The following TTLL11 variants were observed in gnomAD, a reference collection of about 807,000 sequenced individuals.
TTLL11 encodes the protein tubulin polyglutamylase TTLL11.
TTLL11 carries 42 observed loss-of-function variants against 51.7 expected under a neutral mutation model. That is an observed-to-expected ratio of 0.81 (90% CI 0.64 to 1.05). The LOEUF is 1.05. TTLL11 is among the 50% of genes least tolerant of loss of function. The probability of loss-of-function intolerance (pLI) is 0.00; values close to 1 mark genes in which losing one functional copy is unlikely to be tolerated. For missense variants in TTLL11, 799 were observed against 940.4 expected, an observed-to-expected ratio of 0.85 and a Z score of 1.97; for synonymous variants, 381 against 383.5, an observed-to-expected ratio of 0.99 and a Z score of 0.08.
At chr9:121,972,576 C>G (rs1392189927) in intron 6 of TTLL11, among the ~76,000 whole-genome samples, 1 of 152,258 alleles carries the variant, frequency 6.6e-6, no homozygotes, top group Non-Finnish European at 1.5e-5. Context: ...GTCAAGAACA[C>G]TCTTGACAAG....
chr9:121,864,855 A>G (rs376583240), intron 7 of TTLL11, among the ~76,000 whole-genome samples: 148 of 152,358 alleles, frequency 9.7e-4, no homozygotes, highest in African/African-American at 3.4e-3. Context: ...AACTACTGAC[A>G]TCTCATGGGA....
chr9:121,879,767 A>AGCTGTGAGCTGTGCCACTGCACT (rs1564285600), intron 6 of TTLL11, among the ~76,000 whole-genome samples: 1 of 19,140 alleles, frequency 5.2e-5, no homozygotes, highest in African/African-American at 3.1e-4. Flanking sequence ...CTGAATCTAG[A>AGCTGTGAGCTGTGCCACTGCACT]CCAGGCTGGG....
chr9:122,024,152 A>G (rs1025129093), intron 3 of TTLL11, among the ~76,000 whole-genome samples: 5 of 152,188 alleles, frequency 3.3e-5, no homozygotes, highest in Admixed American at 1.3e-4. Flanking sequence ...TTTTACATAC[A>G]ATGAACAATT....
chr9:121,823,299 A>C (rs1332753564), intron 8 of TTLL11, among the ~76,000 whole-genome samples: 1 of 152,252 alleles, frequency 6.6e-6, no homozygotes, highest in Admixed American at 6.5e-5. Context: ...TAATCCCAGC[A>C]CTTTGGGAGG....
chr9:121,966,331 A>AC (rs1385262888), intron 6 of TTLL11, among the ~76,000 whole-genome samples: 31 of 150,448 alleles, frequency 2.1e-4, no homozygotes, highest in African/African-American at 7.6e-4. Context: ...TATCAATAAA[A>AC]CCCCCTCCGA....
Position 121,968,862 on chromosome 9 carries a change from C to CTTATTT in TTLL11, c.1481+5141_1481+5146dup, listed in dbSNP as rs1231850780. Among the ~76,000 whole-genome samples, 8 of 151,898 alleles carry CTTATTT rather than the reference C, an allele frequency of 5.3e-5. No individual in the cohort carries two copies. In the East Asian group the frequency reaches 1.5e-3, roughly 29 times the overall value. ...TACCATACATTAAAAGTTTTTCTCA[C>CTTATTT]TTATTTTTATTTTTATTTATTTTTT... On this transcript the variant is annotated intron_variant, in intron 6 of 8. Coordinates refer to ENST00000321582, the MANE Select transcript of TTLL11 (RefSeq NM_001139442.2).
intron 6 of TTLL11, among the ~76,000 whole-genome samples, chr9:121,899,361 G>A (rs1487043747): frequency 3.4e-5 from 3 of 88,160 alleles, no homozygotes; most frequent in Admixed American, 1.7e-4. Flanking sequence ...GTGTATGTGT[G>A]TGTGTATATA....
At chr9:122,037,428 C>G (rs952539528) in intron 2 of TTLL11, among the ~76,000 whole-genome samples, 10 of 152,034 alleles carry the variant, frequency 6.6e-5, no homozygotes, top group African/African-American at 2.2e-4. Context: ...ATCTCAGTTC[C>G]CCTAGAAAAC....
chr9:122,089,606 G>A (rs1166124318), intron 1 of TTLL11, among the ~76,000 whole-genome samples: 1 of 152,120 alleles, frequency 6.6e-6, no homozygotes, highest in Non-Finnish European at 1.5e-5. Flanking sequence ...AAGCTCTCTT[G>A]CAAATATTCC....
rs116707174 is a variant in TTLL11 at position 121,912,904 on chromosome 9, C to T, written c.1482-42156G>A. ...AGAAATTAAGAGACTTGGCCAATAT[C>T]AGAGTCAAGAAAAAAAAAAAGCACT... is the stretch of plus-strand genomic sequence containing the variant. On this transcript the variant is annotated intron_variant, in intron 6 of 8. Transcript: ENST00000321582. 2.0e-3 allele frequency among the ~76,000 whole-genome samples: 310 copies of T among 151,366 alleles called. 1 individual carries two copies. The highest frequency in any genetic ancestry group is 7.1e-3 in the African/African-American group (294 of 41,250).
chr9:121,920,117 C>T (rs1465214622), intron 6 of TTLL11, among the ~76,000 whole-genome samples: 3 of 151,998 alleles, frequency 2.0e-5, no homozygotes, highest in Non-Finnish European at 4.4e-5. Flanking sequence ...GCCTGGGCAA[C>T]ATGGCAAAAC....
intron 3 of TTLL11, among the ~76,000 whole-genome samples, chr9:122,000,473 A>AT: frequency 7.7e-6 from 1 of 129,490 alleles, no homozygotes; most frequent in African/African-American, 3.4e-5. Flanking sequence ...CTCCGTCGCA[A>AT]AAAAAAAAAA....
chr9:121,945,058 G>A (rs1430588614), intron 6 of TTLL11, among the ~76,000 whole-genome samples: 1 of 152,106 alleles, frequency 6.6e-6, no homozygotes, highest in African/African-American at 2.4e-5. Context: ...CAATCTGGAG[G>A]CCTGTGGTTT....
rs140146078 is a variant in TTLL11, at chr9:121,873,887, G to T, written c.1482-3139C>A. Among the ~76,000 whole-genome samples the T allele has an allele frequency of 5.0e-3, 693 of 138,492 alleles. 3 individuals are homozygous for T. The highest frequency in any genetic ancestry group is 0.018 in the African/African-American group (644 of 36,040). The allele number at this position is 138,492 out of a possible 152,430, so 90.9% of individuals were successfully genotyped here. On this transcript the variant is annotated intron_variant, in intron 6 of 8. Transcript: ENST00000321582. Reference sequence around the variant, plus strand: ...AGAGTCTTGCTCTGTCACCCAGGCTGGAGTGTAGTGGCGTGATCTTGGCTC... The same window carrying T: ...AGAGTCTTGCTCTGTCACCCAGGCTTGAGTGTAGTGGCGTGATCTTGGCTC...
chr9:121,958,441 C>CT (rs974244084), intron 6 of TTLL11, among the ~76,000 whole-genome samples: 2 of 152,110 alleles, frequency 1.3e-5, no homozygotes, highest in Non-Finnish European at 2.9e-5. Context: ...CCCCTGGGGT[C>CT]TTTTTTCTCG....
chr9:121,969,315 G>T (rs1359749697), intron 6 of TTLL11, among the ~76,000 whole-genome samples: 1 of 152,162 alleles, frequency 6.6e-6, no homozygotes, highest in Non-Finnish European at 1.5e-5. Context: ...TCCAGAGAAG[G>T]CACCCTCGAA....
chr9:122,091,074 T>A (rs998936837), intron 1 of TTLL11, among the ~76,000 whole-genome samples: 1 of 152,146 alleles, frequency 6.6e-6, no homozygotes, highest in East Asian at 1.9e-4. Context: ...AAGTGGACAT[T>A]TACGGAATGA....
intron 3 of TTLL11, among the ~76,000 whole-genome samples, chr9:122,009,148 T>G (rs536930615): frequency 2.5e-4 from 38 of 152,302 alleles, no homozygotes; most frequent in Non-Finnish European, 4.7e-4. Flanking sequence ...TGTATTGTAT[T>G]CTTGAAAATT....
intron 6 of TTLL11, among the ~76,000 whole-genome samples, chr9:121,902,539 G>T (rs1488891906): frequency 6.6e-6 from 1 of 151,912 alleles, no homozygotes; most frequent in Non-Finnish European, 1.5e-5. Context: ...GTCTTTAATT[G>T]TGTGCAGCTG....
Sources: allele counts gnomAD v4.1 joint callset (sites outside exome capture counted in the v4.1 genomes callset), GRCh38; gene constraint gnomAD v4.1.1; transcripts MANE v1.5; gene names NCBI Gene and HGNC (gene_info 2026-07-23, HGNC 2026-07-21).